The following WLS variants were observed in gnomAD, a reference collection of about 807,000 sequenced individuals.
The protein encoded by WLS is protein wntless homolog.
A neutral mutation model predicts 62.8 loss-of-function variants in WLS; 23 were observed. The observed-to-expected ratio is 0.37, with a 90% CI of 0.26 to 0.52. The LOEUF (loss-of-function observed/expected upper bound fraction) is 0.52, where lower values mean the gene tolerates loss of function less well. Ranked by LOEUF, WLS falls within the 20% of genes least tolerant of loss-of-function variation. WLS has a pLI of 0.92. For missense variants in WLS, 615 were observed against 697.3 expected, an observed-to-expected ratio of 0.88 and a Z score of 1.33; for synonymous variants, 246 against 244.1, an observed-to-expected ratio of 1.01 and a Z score of -0.07.
In WLS at chr1:68,155,141, TTTC is replaced by T. The variant is rs1570905895; in HGVS notation, c.621_623del (p.Lys208del). The T allele has an allele frequency of 1.4e-5, 23 of 1,613,896 alleles. No homozygotes were observed. The East Asian group carries it at 2.0e-4, about 14-fold the overall frequency. On this transcript the variant is annotated inframe_deletion, in exon 4 of 12. Coordinates refer to ENST00000262348, the MANE Select transcript of WLS (RefSeq NM_024911.7). ...TTATCTCCCCAATTCCCACATTGAT[TTTC>T]TTCTTCTCATTCACAGGCAGCCGGA...
At chr1:68,185,154 A>C (rs1647845942) in intron 2 of WLS, among the ~76,000 whole-genome samples, 1 of 152,098 alleles carries the variant, frequency 6.6e-6, no homozygotes, top group South Asian at 2.1e-4. Flanking sequence ...AAATAGCATC[A>C]AGTCTCATAG....
chr1:68,150,994 A>T (rs565024575), intron 5 of WLS, among the ~76,000 whole-genome samples: 1 of 152,352 alleles, frequency 6.6e-6, no homozygotes, highest in African/African-American at 2.4e-5. Context: ...TTGTGTTAGC[A>T]CTATGGAATC....
chr1:68,145,114 C>T (rs1455232479), intron 9 of WLS, among the ~76,000 whole-genome samples: 17 of 152,204 alleles, frequency 1.1e-4, no homozygotes, highest in Admixed American at 1.1e-3. Flanking sequence ...TAGAAAGTGC[C>T]TGTGGTTTCC....
chr1:68,142,291 AT>A (rs1184244787), intron 10 of WLS, among the ~76,000 whole-genome samples: 1 of 152,168 alleles, frequency 6.6e-6, no homozygotes, highest in African/African-American at 2.4e-5. Context: ...TGGCCTTAGG[AT>A]CAAAAGCGTC....
chr1:68,199,064 TAGAG>T (rs1204322221), intron 1 of WLS, among the ~76,000 whole-genome samples: 1 of 102,830 alleles, frequency 9.7e-6, no homozygotes, highest in Non-Finnish European at 2.1e-5. Flanking sequence ...ATTTAAGAGT[TAGAG>T]AGAGACAAGA....
intron 1 of WLS, among the ~76,000 whole-genome samples, chr1:68,205,970 C>T (rs187491610): frequency 2.0e-5 from 3 of 152,150 alleles, no homozygotes; most frequent in Admixed American, 2.0e-4. Context: ...TGGAGTGTAG[C>T]TGGTATCAGA....
At chr1:68,137,187 C>A (rs1646622573) in intron 11 of WLS, among the ~76,000 whole-genome samples, 1 of 152,174 alleles carries the variant, frequency 6.6e-6, no homozygotes, top group African/African-American at 2.4e-5. Context: ...TGACTGGATT[C>A]TCTAAGGCTA....
chr1:68,117,438 CTTTTGCCAACAGGAG>C (rs951360217), intron 11 of WLS: 6 of 152,454 alleles, frequency 3.9e-5, no homozygotes, highest in Admixed American at 1.3e-4. Flanking sequence ...CACATGTTCT[CTTTTGCCAACAGGAG>C]GCTCGTGTGG....
At chr1:68,201,101 C>T (rs1018637998) in intron 1 of WLS, among the ~76,000 whole-genome samples, 1 of 152,160 alleles carries the variant, frequency 6.6e-6, no homozygotes, top group South Asian at 2.1e-4. Context: ...ACATGCCTTT[C>T]GCCAGCTCAA....
chr1:68,108,583 G>A (rs1432797858), intron 11 of WLS, among the ~76,000 whole-genome samples: 1 of 152,176 alleles, frequency 6.6e-6, no homozygotes, highest in Non-Finnish European at 1.5e-5. Context: ...TCAAAGAGTA[G>A]TTCACTGGCC....
intron 1 of WLS, among the ~76,000 whole-genome samples, chr1:68,224,244 T>G (rs1025994331): frequency 3.3e-5 from 5 of 152,090 alleles, no homozygotes; most frequent in African/African-American, 1.2e-4. Flanking sequence ...GGCCCAGGAT[T>G]TAAATAGGCA....
intron 11 of WLS, among the ~76,000 whole-genome samples, chr1:68,115,157 G>C (rs1646274568): frequency 6.6e-6 from 1 of 152,184 alleles, no homozygotes; most frequent in Non-Finnish European, 1.5e-5. Flanking sequence ...CTGCTTTTCA[G>C]GAGGTCCCTC....
intron 11 of WLS, among the ~76,000 whole-genome samples, chr1:68,110,651 ATC>A (rs752431176): frequency 4.8e-5 from 6 of 126,152 alleles, no homozygotes; most frequent in African/African-American, 1.2e-4. Flanking sequence ...GCCCCCAAAA[ATC>A]TCTGTCTCTC....
At position 68,228,592 on chromosome 1, in the gene WLS, T is replaced by A. The variant is rs185242263; in HGVS notation, c.106+3602A>T. ...TTTAAGGAGGATAAAGTTATATTTT[T>A]AAAAATATTTATCTTTTCCTTCAGG... is the stretch of plus-strand genomic sequence containing the variant. On this transcript the variant is annotated intron_variant, in intron 1 of 11. Transcript: ENST00000262348. Among the ~76,000 whole-genome samples the A allele has an allele frequency of 7.9e-5, 12 of 152,214 alleles. No individual in the cohort carries two copies. In the East Asian group the frequency reaches 1.4e-3, roughly 17 times the overall value.
intron 2 of WLS, among the ~76,000 whole-genome samples, chr1:68,186,154 A>G (rs1570974175): frequency 6.6e-6 from 1 of 152,298 alleles, no homozygotes; most frequent in East Asian, 1.9e-4. Flanking sequence ...TCCCAAAGGC[A>G]CTGGCTTGAT....
At chr1:68,152,597 TC>T in intron 5 of WLS, among the ~76,000 whole-genome samples, 1 of 152,254 alleles carries the variant, frequency 6.6e-6, no homozygotes, top group Non-Finnish European at 1.5e-5. Flanking sequence ...TTGTTGGTGA[TC>T]CCGTGAAAAG....
chr1:68,205,594 T>C (rs1649247412), intron 1 of WLS, among the ~76,000 whole-genome samples: 1 of 152,168 alleles, frequency 6.6e-6, no homozygotes, highest in African/African-American at 2.4e-5. Context: ...CAAAATGAAA[T>C]AAAATGTTCA....
chr1:68,118,373 C>T (rs771739341), intron 11 of WLS, among the ~76,000 whole-genome samples: 6 of 152,150 alleles, frequency 3.9e-5, no homozygotes, highest in East Asian at 1.9e-4. Flanking sequence ...AGTGAGGATG[C>T]GGGCCACAGC....
intron 1 of WLS, among the ~76,000 whole-genome samples, chr1:68,204,683 C>T (rs1005441374): frequency 4.6e-5 from 7 of 152,152 alleles, no homozygotes; most frequent in African/African-American, 1.7e-4. Context: ...TAAATTTCAT[C>T]AGTTTTAGGT....
Sources: allele counts gnomAD v4.1 joint callset (sites outside exome capture counted in the v4.1 genomes callset), GRCh38; gene constraint gnomAD v4.1.1; transcripts MANE v1.5; gene names NCBI Gene and HGNC (gene_info 2026-07-23, HGNC 2026-07-21).